PRKCE: variants seen among roughly 807,000 people sequenced by gnomAD.
The protein encoded by PRKCE is protein kinase C epsilon type.
A neutral mutation model predicts 85.4 loss-of-function variants in PRKCE; 16 were observed. The observed-to-expected ratio is 0.19, with a 90% CI of 0.13 to 0.28. The LOEUF is 0.28. Ranked by LOEUF, PRKCE falls within the 10% of genes least tolerant of loss-of-function variation. The probability of loss-of-function intolerance (pLI) is 1.00; values close to 1 mark genes in which losing one functional copy is unlikely to be tolerated. For missense variants in PRKCE, 573 were observed against 975.2 expected (o/e 0.59, Z 5.49); for synonymous variants, 388 against 371.5 (o/e 1.04, Z -0.51).
At chr2:46,021,807 A>G (rs1706689277) in intron 10 of PRKCE, among the ~76,000 whole-genome samples, 1 of 152,188 alleles carries the variant, frequency 6.6e-6, no homozygotes, top group South Asian at 2.1e-4. Context: ...AACGCCCGCC[A>G]TCTATTGGAT....
intron 2 of PRKCE, among the ~76,000 whole-genome samples, chr2:45,934,129 G>A (rs1699263230): frequency 6.6e-6 from 1 of 152,088 alleles, no homozygotes; most frequent in African/African-American, 2.4e-5. Flanking sequence ...CACGCTCAGG[G>A]CACACTTGAA....
At chr2:46,122,881 G>GTTTTTTTTTTTTT (rs1244942634) in intron 11 of PRKCE, among the ~76,000 whole-genome samples, 1 of 117,164 alleles carries the variant, frequency 8.5e-6, no homozygotes, top group Non-Finnish European at 1.7e-5. Context: ...AACAGTCTGG[G>GTTTTTTTTTTTTT]TTTTTTTTTT....
intron 2 of PRKCE, among the ~76,000 whole-genome samples, chr2:45,886,477 A>T (rs1176948363): frequency 1.3e-5 from 2 of 152,212 alleles, no homozygotes; most frequent in Non-Finnish European, 2.9e-5. Flanking sequence ...GCTGACTTCT[A>T]TTGCATTAAA....
At chr2:45,782,111 G>T (rs937056357) in intron 1 of PRKCE, among the ~76,000 whole-genome samples, 4 of 152,162 alleles carry the variant, frequency 2.6e-5, no homozygotes, top group Admixed American at 1.3e-4. Flanking sequence ...GATGCAGTCC[G>T]TGAAAGTGTT....
intron 11 of PRKCE, among the ~76,000 whole-genome samples, chr2:46,115,428 C>T (rs1672671893): frequency 6.6e-6 from 1 of 152,198 alleles, no homozygotes; most frequent in Non-Finnish European, 1.5e-5. Flanking sequence ...TTCATTTAGT[C>T]TATCTTGCTC....
chr2:45,675,799 G>A (rs1676413299), intron 1 of PRKCE: 1 of 152,252 alleles, frequency 6.6e-6, no homozygotes, highest in Non-Finnish European at 1.5e-5. Flanking sequence ...CCGGGGAGCT[G>A]GCCCTCAGCT....
At chr2:46,085,951 A>G (rs1052839725) in intron 10 of PRKCE, among the ~76,000 whole-genome samples, 3 of 152,188 alleles carry the variant, frequency 2.0e-5, no homozygotes, top group African/African-American at 7.2e-5. Flanking sequence ...CTTTCTGTCC[A>G]TTTAGGCTTC....
intron 10 of PRKCE, among the ~76,000 whole-genome samples, chr2:46,061,395 G>A (rs1016966972): frequency 2.0e-5 from 3 of 151,854 alleles, no homozygotes; most frequent in Non-Finnish European, 4.4e-5. Context: ...ACAGGCGTGA[G>A]CCATGGTGCC....
intron 1 of PRKCE, among the ~76,000 whole-genome samples, chr2:45,669,226 A>T (rs2103815561): frequency 6.6e-6 from 1 of 152,308 alleles, no homozygotes; most frequent in Admixed American, 6.5e-5. Context: ...AACTATTTTA[A>T]GGGGAAAAGG....
At chr2:46,000,431 G>A (rs1471999365) in intron 6 of PRKCE, among the ~76,000 whole-genome samples, 3 of 147,176 alleles carry the variant, frequency 2.0e-5, no homozygotes, top group Admixed American at 6.8e-5. Context: ...AGATCAGTCG[G>A]GGTCTGATAA....
intron 1 of PRKCE, among the ~76,000 whole-genome samples, chr2:45,822,778 T>C (rs1425118703): frequency 2.6e-5 from 4 of 152,220 alleles, no homozygotes; most frequent in Admixed American, 6.5e-5. Flanking sequence ...TCTGCCTTAG[T>C]TAGGAGTGCT....
intron 14 of PRKCE, among the ~76,000 whole-genome samples, chr2:46,178,057 C>T (rs1045240360): frequency 4.6e-5 from 7 of 152,118 alleles, no homozygotes; most frequent in African/African-American, 7.2e-5. Context: ...GTCAGGAGTT[C>T]GAGACCAGCC....
chr2:46,097,827 T>C (rs1670854853), intron 11 of PRKCE, among the ~76,000 whole-genome samples: 1 of 152,212 alleles, frequency 6.6e-6, no homozygotes, highest in Admixed American at 6.5e-5. Flanking sequence ...ACTATCTTTA[T>C]CCCAAACTGA....
intron 2 of PRKCE, among the ~76,000 whole-genome samples, chr2:45,911,161 C>A (rs929685209): frequency 2.0e-5 from 3 of 152,226 alleles, no homozygotes; most frequent in Non-Finnish European, 4.4e-5. Context: ...GCATTTTCAG[C>A]CTAAAGGGTT....
intron 1 of PRKCE, among the ~76,000 whole-genome samples, chr2:45,814,868 T>C (rs919780256): frequency 6.6e-6 from 1 of 152,148 alleles, no homozygotes; most frequent in African/African-American, 2.4e-5. Context: ...TGAGCCCTTA[T>C]TAGGAGAAGA....
chr2:45,890,232 C>G (rs1695620511), intron 2 of PRKCE, among the ~76,000 whole-genome samples: 1 of 152,192 alleles, frequency 6.6e-6, no homozygotes, highest in African/African-American at 2.4e-5. Flanking sequence ...TCCCATGGAC[C>G]TATTCCTAGC....
chr2:46,175,361 G>A (rs2104685556), intron 14 of PRKCE, among the ~76,000 whole-genome samples: 1 of 152,214 alleles, frequency 6.6e-6, no homozygotes, highest in Middle Eastern at 3.4e-3. Context: ...GTTCTCTCCT[G>A]GATCATCCCA....
At chr2:46,132,496 G>A (rs1355148358) in intron 11 of PRKCE, among the ~76,000 whole-genome samples, 6 of 152,100 alleles carry the variant, frequency 3.9e-5, no homozygotes, top group Non-Finnish European at 5.9e-5. Flanking sequence ...ATGGAGAAAT[G>A]GAGGCTGTCT....
intron 1 of PRKCE, among the ~76,000 whole-genome samples, chr2:45,800,414 C>A (rs1199945533): frequency 6.6e-6 from 1 of 152,254 alleles, no homozygotes; most frequent in Non-Finnish European, 1.5e-5. Context: ...ATTGGTCAGG[C>A]TTCTGGGCCA....
Sources: gnomAD v4.1 joint callset for allele counts (sites outside exome capture counted in the v4.1 genomes callset) on GRCh38, gnomAD v4.1.1 for gene constraint, MANE v1.5 for transcripts, NCBI Gene and HGNC (gene_info 2026-07-23, HGNC 2026-07-21) for gene names.